Variants in RUSC1 observed in about 807,000 individuals in gnomAD.
RUSC1 encodes AP-4 complex accessory subunit RUSC1.
A neutral mutation model predicts 72.1 loss-of-function variants in RUSC1; 40 were observed. That is an observed-to-expected ratio of 0.55 (90% CI 0.43 to 0.72). The LOEUF is 0.72. Among genes scored for constraint, RUSC1 ranks in the 30% least tolerant of loss-of-function variants. The pLI, the probability that RUSC1 is intolerant of heterozygous loss-of-function variation, is 0.00. For missense variants in RUSC1, 1,092 were observed against 1,172.3 expected (o/e 0.93, Z 1.00); for synonymous variants, 512 against 494.2 (o/e 1.04, Z -0.48).
chr1:155,325,833 C>T lies in RUSC1; in HGVS notation c.1815-31C>T, dbSNP rs1324411953. The T allele has an allele frequency of 3.1e-6, 5 of 1,613,858 alleles. No individual in the cohort carries two copies. Among genetic ancestry groups the T allele is most frequent in the Non-Finnish European group, 4.2e-6 (5 of 1,179,778 alleles). ...GAGAGGACTGGAGTCCTCCACCTCC[C>T]TGAACTTCCATTCCCTCTTTTCTCC... On this transcript the variant is annotated intron_variant, in intron 6 of 9. Coordinates refer to ENST00000368352, the MANE Select transcript of RUSC1 (RefSeq NM_001105203.2). The surrounding 1 kb of genome is among the most constrained non-coding windows in gnomAD (Gnocchi z 6.5).
rs1240142764 is a variant in RUSC1 at position 155,327,151 on chromosome 1, C to T, written c.2414+19C>T. ...AGTCCAGGTAATGGGGTACCTTGTC[C>T]TTTCTATGACCTTCTGACTCTCTCA... On this transcript the variant is annotated intron_variant, in intron 8 of 9. Coordinates refer to ENST00000368352, the MANE Select transcript of RUSC1 (RefSeq NM_001105203.2). The T allele has an allele frequency of 2.5e-6, 4 of 1,571,896 alleles. No individual in the cohort carries two copies. The highest frequency in any genetic ancestry group is 2.6e-6 in the Non-Finnish European group (3 of 1,157,764).
In RUSC1 at chr1:155,325,535, C is replaced by G. The variant is rs114296858; in HGVS notation, c.1709-32C>G. ...GACCCGGCAGTGCGCAGGGCAGGGC[C>G]GGGCTTGGCTGACTGCACCCCACGT... is the stretch of plus-strand genomic sequence containing the variant. On this transcript the variant is annotated intron_variant, in intron 5 of 9. Coordinates refer to ENST00000368352, the MANE Select transcript of RUSC1 (RefSeq NM_001105203.2). The surrounding 1 kb of genome is among the most constrained non-coding windows in gnomAD (Gnocchi z 6.5). 6.2e-7 allele frequency: 1 copy of G among 1,606,198 alleles called. No homozygotes were observed. Among genetic ancestry groups the G allele is most frequent in the Admixed American group, 1.7e-5 (1 of 59,950 alleles).
In RUSC1 at chr1:155,322,829, C is replaced by T. The variant is rs533502917; in HGVS notation, c.1056C>T (p.Leu352=). 5.3e-5 allele frequency: 85 copies of T among 1,612,992 alleles called. No homozygotes were observed. The highest frequency in any genetic ancestry group is 6.7e-5 in the Non-Finnish European group (79 of 1,179,516). The part of the protein sequence containing the change: ...WLIVFSPDTE[L]PPSGSPGGSS... ...TAGTCTTCTCGCCCGACACCGAGCT[C>T]CCCCCCTCGGGGTCGCCGGGCGGCT... is the stretch of plus-strand genomic sequence containing the variant. Residue 352 remains leucine (L), a synonymous_variant, in exon 2 of 10, where the codon CTC becomes CTT. Transcript: ENST00000368352.
chr1:155,328,254 C>A lies in RUSC1; in HGVS notation c.2519C>A (p.Pro840His). The A allele has an allele frequency of 6.2e-7, 1 of 1,612,968 alleles. No individual in the cohort carries two copies. The highest frequency in any genetic ancestry group is 8.5e-7 in the Non-Finnish European group (1 of 1,179,510). The stretch of plus-strand genomic sequence containing the variant: ...CCTCAGGAGCTTGAGGCCTCAGCAC[C>A]CAGGATGGTGCAAACCCATAGGTAA... ...PSPQELEASA[P>H]RMVQTHRAVR... Residue 840 changes from proline to histidine, a missense_variant, in exon 9 of 10, where the codon CCC (proline) becomes CAC (histidine). Coordinates refer to ENST00000368352, the MANE Select transcript of RUSC1 (RefSeq NM_001105203.2).
rs1650704541 is a variant in RUSC1 at position 155,322,661 on chromosome 1, T to C, written c.888T>C (p.Asp296=). The C allele has an allele frequency of 4.3e-6, 7 of 1,614,190 alleles. No homozygotes were observed. Among genetic ancestry groups the C allele is most frequent in the Non-Finnish European group, 5.1e-6 (6 of 1,180,030 alleles). ...SGSKTDAGKI[D]GGWRSDVSEE... is the part of the protein sequence containing the mutation. ...CGAAAACAGATGCAGGGAAAATTGA[T>C]GGAGGATGGAGAAGTGACGTCAGCG... Residue 296 remains aspartate, a synonymous_variant, in exon 2 of 10, where the codon GAT becomes GAC. Transcript: ENST00000368352.
rs533502917 is a variant in RUSC1, at chr1:155,322,829, C to G, written c.1056C>G (p.Leu352=). Residue 352 remains leucine, a synonymous_variant, in exon 2 of 10, where the codon CTC becomes CTG. Transcript: ENST00000368352. ...WLIVFSPDTE[L]PPSGSPGGSS... ...TAGTCTTCTCGCCCGACACCGAGCT[C>G]CCCCCCTCGGGGTCGCCGGGCGGCT... 6.2e-7 allele frequency: 1 copy of G among 1,612,992 alleles called. No homozygotes were observed. The highest frequency in any genetic ancestry group is 1.3e-5 in the African/African-American group (1 of 74,924).
At chr1:155,327,495 G>C (rs1220907507) in intron 8 of RUSC1, among the ~76,000 whole-genome samples, 4 of 151,890 alleles carry the variant, frequency 2.6e-5, no homozygotes, top group African/African-American at 9.7e-5. Context: ...TTTTTTGTTC[G>C]GTTGAAAAAA....
Position 155,327,140 on chromosome 1 carries a change from GGT to G in RUSC1, c.2414+9_2414+10del. 1 of 1,591,782 alleles carries G rather than the reference GGT, an allele frequency of 6.3e-7. No individual in the cohort carries two copies. Among genetic ancestry groups the G allele is most frequent in the Non-Finnish European group, 8.6e-7 (1 of 1,167,368 alleles). Reference sequence around the variant, plus strand: ...TGGAGCCCTAAAGTCCAGGTAATGGGGTACCTTGTCCTTTCTATGACCTTCTG... The same window carrying G: ...TGGAGCCCTAAAGTCCAGGTAATGGGACCTTGTCCTTTCTATGACCTTCTG... On this transcript the variant is annotated intron_variant, in intron 8 of 9. Transcript: ENST00000368352.
chr1:155,322,843 C>T lies in RUSC1; in HGVS notation c.1070C>T (p.Ser357Leu), dbSNP rs368701006. The T allele has an allele frequency of 1.5e-5, 25 of 1,613,192 alleles. No homozygotes were observed. Among genetic ancestry groups the T allele is most frequent in the Non-Finnish European group, 2.0e-5 (24 of 1,179,798 alleles). The change falls in exon 2 of 10, where the codon TCG becomes TTG. Residue 357 changes from serine (S) to leucine (L), a missense_variant. By Grantham distance (145) the Ser-to-Leu change is moderately radical. Coordinates refer to ENST00000368352, the MANE Select transcript of RUSC1 (RefSeq NM_001105203.2). The stretch of plus-strand genomic sequence containing the variant: ...GACACCGAGCTCCCCCCCTCGGGGT[C>T]GCCGGGCGGCTCCTCGGCACCTCCT... ...SPDTELPPSG[S>L]PGGSSAPPRE...
Position 155,325,072 on chromosome 1 carries a change from C to G in RUSC1, c.1457-30C>G. 6.2e-7 allele frequency: 1 copy of G among 1,614,156 alleles called. No homozygotes were observed. The highest frequency in any genetic ancestry group is 8.5e-7 in the Non-Finnish European group (1 of 1,179,974). On this transcript the variant is annotated intron_variant, in intron 3 of 9. Transcript: ENST00000368352. The surrounding 1 kb of genome is among the most constrained non-coding windows in gnomAD (Gnocchi z 6.5). Reference sequence around the variant, plus strand: ...CAAGCCTGGGTAGGGGCGCGGCCTCCTAGCGTCTTCCCTTTCCCACTCCTC... The same window carrying G: ...CAAGCCTGGGTAGGGGCGCGGCCTCGTAGCGTCTTCCCTTTCCCACTCCTC...
chr1:155,322,686 G>GCA lies in RUSC1; in HGVS notation c.913_914insCA (p.Glu305AlafsTer41). ...TGGAGGATGGAGAAGTGACGTCAGCGAGGAGCCGGTGCCCCACCGGACAAT... is the reference window on the plus strand; with the variant it reads ...TGGAGGATGGAGAAGTGACGTCAGCGCAAGGAGCCGGTGCCCCACCGGACAAT... On this transcript the variant is annotated frameshift_variant, in exon 2 of 10. Coordinates refer to ENST00000368352, the MANE Select transcript of RUSC1 (RefSeq NM_001105203.2). LOFTEE classifies it high-confidence loss of function. The GCA allele has an allele frequency of 6.2e-7, 1 of 1,614,246 alleles. No homozygotes were observed. Among genetic ancestry groups the GCA allele is most frequent in the Non-Finnish European group, 8.5e-7 (1 of 1,180,040 alleles).
At chr1:155,327,310 C>G (rs1651523329) in intron 8 of RUSC1, among the ~76,000 whole-genome samples, 178 bp downstream of exon 8, 1 of 152,132 alleles carries the variant, frequency 6.6e-6, no homozygotes, top group Admixed American at 6.5e-5. Flanking sequence ...ACATAATGAT[C>G]TCAATTTTCT....
chr1:155,321,760 T>G lies in RUSC1; in HGVS notation c.-14T>G. On this transcript the variant is annotated 5_prime_UTR_variant, in exon 2 of 10. Transcript: ENST00000368352. Reference sequence around the variant, plus strand: ...TTCTGGTTCTCTAGAAGCCATCCCATCGCCGCTAGCATCATGCTGTCCCCT... The same window carrying G: ...TTCTGGTTCTCTAGAAGCCATCCCAGCGCCGCTAGCATCATGCTGTCCCCT... 4 of 1,613,894 alleles carry G rather than the reference T, an allele frequency of 2.5e-6. No individual in the cohort carries two copies. Among genetic ancestry groups the G allele is most frequent in the Non-Finnish European group, 3.4e-6 (4 of 1,179,964 alleles).
At chr1:155,321,487 A>G (rs764329256) in intron 1 of RUSC1, 10 of 1,474,740 alleles carry the variant, frequency 6.8e-6, no homozygotes, top group East Asian at 2.9e-5. Flanking sequence ...TCCCGGCTCC[A>G]TTCCCGGGGG....
In RUSC1 at chr1:155,330,599, C is replaced by T; in HGVS notation, c.*28C>T. 1 of 1,533,592 alleles carries T rather than the reference C, an allele frequency of 6.5e-7. No homozygotes were observed. Among genetic ancestry groups the T allele is most frequent in the South Asian group, 1.3e-5 (1 of 78,958 alleles). The allele number at this position is 1,533,592 out of a possible 1,614,324, so 95.0% of individuals were successfully genotyped here. On this transcript the variant is annotated 3_prime_UTR_variant, in exon 10 of 10. Transcript: ENST00000368352. ...CTGGGACCCTTTCCTGCGTATGTGT[C>T]TCCTTCCTGTCACCTGGGAATGGAA...
Position 155,326,304 on chromosome 1 carries a change from T to C in RUSC1, c.1862-276T>C. 3.6e-6 allele frequency: 2 copies of C among 555,756 alleles called. No homozygotes were observed. The highest frequency in any genetic ancestry group is 6.4e-6 in the Non-Finnish European group (2 of 312,524). The allele number at this position is 555,756 out of a possible 1,614,324, so 34.4% of individuals were successfully genotyped here. ...CTAGGCCAACCCCCACGCCTCATTT[T>C]GTATGTGCTTCTATGGCTCTCCTGT... On this transcript the variant is annotated intron_variant, in intron 7 of 9. Coordinates refer to ENST00000368352, the MANE Select transcript of RUSC1 (RefSeq NM_001105203.2). This position sits in a 1 kb window ranked among gnomAD's most constrained non-coding sequence, Gnocchi z 4.7.
At position 155,321,952 on chromosome 1, in the gene RUSC1, T is replaced by G. The variant is rs1650590829; in HGVS notation, c.179T>G (p.Val60Gly). 1 of 1,600,798 alleles carries G rather than the reference T, an allele frequency of 6.2e-7. No homozygotes were observed. Among genetic ancestry groups the G allele is most frequent in the African/African-American group, 1.3e-5 (1 of 74,612 alleles). The change falls in exon 2 of 10, where the codon GTG becomes GGG. Residue 60 changes from valine (V) to glycine (G), a missense_variant. Coordinates refer to ENST00000368352, the MANE Select transcript of RUSC1 (RefSeq NM_001105203.2). ...ESRGPCSGTL[V>G]DANSNSPAVP... ...AGGGGCCCCTGCAGTGGCACCCTGG[T>G]GGACGCCAATTCCAACAGCCCAGCT...
Position 155,330,737 on chromosome 1 carries a change from C to A in RUSC1, c.*166C>A. The stretch of plus-strand genomic sequence containing the variant: ...CTTTCCTTCTTCCCTCCTATACCCA[C>A]CTGTAAGGTGAAATCTGCTCTTCTT... On this transcript the variant is annotated 3_prime_UTR_variant, in exon 10 of 10. Transcript: ENST00000368352. The A allele has an allele frequency of 1.7e-6, 1 of 579,844 alleles. No homozygotes were observed. Among genetic ancestry groups the A allele is most frequent in the Non-Finnish European group, 2.8e-6 (1 of 352,888 alleles). 35.9% of individuals were successfully genotyped at this position (579,844 alleles called of 1,614,324 possible).
At position 155,324,503 on chromosome 1, in the gene RUSC1, C is replaced by G. The variant is rs375651480; in HGVS notation, c.1358-342C>G. The G allele has an allele frequency of 6.9e-6, 11 of 1,605,626 alleles. No homozygotes were observed. In the Admixed American group the frequency reaches 6.9e-5, roughly 10 times the overall value. ...GGGCTACACCTCCCTCCCCGCGCCC[C>G]GTCCTCTCCCGCCCTACAGGCCCTA... is the stretch of plus-strand genomic sequence containing the variant. On this transcript the variant is annotated intron_variant, in intron 2 of 9. Coordinates refer to ENST00000368352, the MANE Select transcript of RUSC1 (RefSeq NM_001105203.2).
Sources: allele counts gnomAD v4.1 joint callset (sites outside exome capture counted in the v4.1 genomes callset), GRCh38; gene constraint gnomAD v4.1.1; non-coding constraint Gnocchi (gnomAD v3.1); transcripts MANE v1.5; gene names NCBI Gene and HGNC (gene_info 2026-07-23, HGNC 2026-07-21).